Variants in MSI2 observed in about 807,000 individuals in gnomAD.
The protein encoded by MSI2 is RNA-binding protein Musashi homolog 2.
In MSI2, 17 loss-of-function variants were observed where a neutral mutation model predicts 45.6. The observed-to-expected ratio is 0.37, with a 90% CI of 0.26 to 0.56. The LOEUF (loss-of-function observed/expected upper bound fraction) is 0.56. Ranked by LOEUF, MSI2 falls within the 20% of genes least tolerant of loss-of-function variation. The probability of loss-of-function intolerance (pLI) is 0.77; values close to 1 mark genes in which losing one functional copy is unlikely to be tolerated. For missense variants in MSI2, 293 were observed against 444.2 expected (o/e 0.66, Z 3.06); for synonymous variants, 156 against 158.2 (o/e 0.99, Z 0.11).
chr17:57,375,813 T>G (rs1419853139), intron 5 of MSI2, among the ~76,000 whole-genome samples: 1 of 152,012 alleles, frequency 6.6e-6, no homozygotes, highest in East Asian at 1.9e-4. Flanking sequence ...ATGACGAGAC[T>G]CCCCTGCCCC....
At chr17:57,288,765 C>T (rs915162093) in intron 5 of MSI2, among the ~76,000 whole-genome samples, 2 of 152,144 alleles carry the variant, frequency 1.3e-5, no homozygotes, top group Non-Finnish European at 2.9e-5. Context: ...GTGCTCTAGG[C>T]CAGGGGTCCA....
intron 5 of MSI2, among the ~76,000 whole-genome samples, chr17:57,366,008 G>A (rs1016723638): frequency 6.6e-5 from 10 of 152,148 alleles, no homozygotes; most frequent in African/African-American, 9.6e-5. Context: ...TGCCTCCCCC[G>A]GATCAAGGGA....
intron 6 of MSI2, among the ~76,000 whole-genome samples, chr17:57,473,067 A>C (rs938793276): frequency 6.6e-6 from 1 of 151,722 alleles, no homozygotes; most frequent in South Asian, 2.1e-4. Context: ...TAATTTTTGT[A>C]CTTTTAGTAG....
At chr17:57,553,649 T>G (rs1209929965) in intron 7 of MSI2, among the ~76,000 whole-genome samples, 1 of 152,208 alleles carries the variant, frequency 6.6e-6, no homozygotes, top group Non-Finnish European at 1.5e-5. Context: ...CATCCTTCGA[T>G]TCTCATCGCG....
chr17:57,672,511 C>G (rs1912873358), intron 11 of MSI2, among the ~76,000 whole-genome samples: 2 of 152,206 alleles, frequency 1.3e-5, no homozygotes, highest in South Asian at 4.1e-4. Context: ...AGATTAGTCT[C>G]TAGGTGGCTC....
intron 7 of MSI2, among the ~76,000 whole-genome samples, chr17:57,533,814 C>T (rs989191863): frequency 6.6e-6 from 1 of 152,172 alleles, no homozygotes; most frequent in African/African-American, 2.4e-5. Flanking sequence ...TTGGGTGCAG[C>T]CCACCCTGTG....
At chr17:57,443,369 A>C (rs1002002446) in intron 6 of MSI2, among the ~76,000 whole-genome samples, 2 of 152,172 alleles carry the variant, frequency 1.3e-5, no homozygotes, top group African/African-American at 4.8e-5. Context: ...GCTGACTAAT[A>C]GGACTTCCTG....
intron 6 of MSI2, among the ~76,000 whole-genome samples, chr17:57,460,903 A>G (rs757647843): frequency 1.3e-5 from 2 of 152,044 alleles, no homozygotes; most frequent in Non-Finnish European, 2.9e-5. Context: ...CGGCCAAAGG[A>G]GAGACGTGAG....
intron 6 of MSI2, among the ~76,000 whole-genome samples, chr17:57,412,128 C>G (rs559309654): frequency 6.6e-6 from 1 of 152,118 alleles, no homozygotes; most frequent in Admixed American, 6.5e-5. Flanking sequence ...ACCTCTGCCT[C>G]CCAAGTTCAA....
intron 6 of MSI2, among the ~76,000 whole-genome samples, chr17:57,446,527 A>G (rs146167678): frequency 1.6e-4 from 25 of 152,354 alleles, no homozygotes; most frequent in African/African-American, 6.0e-4. Flanking sequence ...AAAGGTGCCA[A>G]GCACGTAGAA....
intron 5 of MSI2, among the ~76,000 whole-genome samples, chr17:57,313,839 G>T (rs568334129): frequency 1.3e-5 from 2 of 152,338 alleles, no homozygotes; most frequent in South Asian, 4.1e-4. Context: ...GGAACCTGGA[G>T]GCTCCAAGGA....
intron 6 of MSI2, among the ~76,000 whole-genome samples, chr17:57,473,301 A>G (rs2085474654): frequency 1.3e-5 from 2 of 152,180 alleles, no homozygotes; most frequent in South Asian, 4.1e-4. Flanking sequence ...TGTAATGCAT[A>G]ATATATATGC....
intron 6 of MSI2, among the ~76,000 whole-genome samples, chr17:57,506,391 G>A (rs868568771): frequency 3.3e-5 from 5 of 152,332 alleles, no homozygotes; most frequent in African/African-American, 7.2e-5. Flanking sequence ...GTAATTTTCC[G>A]TGGTGTATTT....
At chr17:57,516,073 G>A (rs2086463572) in intron 6 of MSI2, among the ~76,000 whole-genome samples, 1 of 152,106 alleles carries the variant, frequency 6.6e-6, no homozygotes, top group Non-Finnish European at 1.5e-5. Context: ...GTTTTCATGT[G>A]TATTTGTGTG....
intron 5 of MSI2, among the ~76,000 whole-genome samples, chr17:57,324,644 G>A (rs941284): frequency 0.84 from 127,509 of 152,158 alleles, 53,504 homozygotes; most frequent in Middle Eastern, 0.9. Context: ...GGGAGCAGTG[G>A]CCATTTCAGA....
chr17:57,396,734 A>G (rs954690405), intron 5 of MSI2, among the ~76,000 whole-genome samples: 1 of 152,150 alleles, frequency 6.6e-6, no homozygotes, highest in Non-Finnish European at 1.5e-5. Flanking sequence ...TAGATGCAGA[A>G]CTTTCCAGCA....
intron 5 of MSI2, among the ~76,000 whole-genome samples, chr17:57,275,578 A>G (rs921992431): frequency 6.6e-6 from 1 of 152,208 alleles, no homozygotes; most frequent in African/African-American, 2.4e-5. Flanking sequence ...GAAAGCCCCC[A>G]GACCCCTTGG....
At chr17:57,354,108 T>C (rs979219148) in intron 5 of MSI2, among the ~76,000 whole-genome samples, 3 of 152,224 alleles carry the variant, frequency 2.0e-5, no homozygotes, top group African/African-American at 2.4e-5. Context: ...TTTGCTGAAT[T>C]GGAGTACAAA....
At chr17:57,397,415 A>T (rs1032377239) in intron 5 of MSI2, among the ~76,000 whole-genome samples, 5 of 152,224 alleles carry the variant, frequency 3.3e-5, no homozygotes, top group Admixed American at 3.3e-4. Flanking sequence ...ACACACACCC[A>T]TGCATGTGCA....
Sources: allele counts gnomAD v4.1 joint callset (sites outside exome capture counted in the v4.1 genomes callset), GRCh38; gene constraint gnomAD v4.1.1; transcripts MANE v1.5; gene names NCBI Gene and HGNC (gene_info 2026-07-23, HGNC 2026-07-21).